The following CFDP1 variants were observed in gnomAD, a reference collection of about 807,000 sequenced individuals.
CFDP1 encodes chromatin remodeling protein CFDP1, also known as heterochromatin-stabilizing protein CFDP1.
A neutral mutation model predicts 40.1 loss-of-function variants in CFDP1; 31 were observed. The observed-to-expected ratio is 0.77, with a 90% CI of 0.58 to 1.04. The LOEUF is 1.04. Among genes scored for constraint, CFDP1 ranks in the 50% least tolerant of loss-of-function variants. CFDP1 has a pLI of 0.00. For missense variants in CFDP1, 423 were observed against 343.4 expected (o/e 1.23, Z -1.83); for synonymous variants, 167 against 120.0 (o/e 1.39, Z -2.56).
chr16:75,330,981 A>AC (rs1298080775), intron 5 of CFDP1, among the ~76,000 whole-genome samples: 11 of 147,198 alleles, frequency 7.5e-5, no homozygotes, highest in Admixed American at 6.7e-5. Flanking sequence ...AAAAAAAAAA[A>AC]AAAACACAAA....
intron 5 of CFDP1, among the ~76,000 whole-genome samples, chr16:75,356,911 CTTTTTTTT>C (rs576406459): frequency 1.2e-5 from 1 of 80,662 alleles, no homozygotes; most frequent in Non-Finnish European, 2.7e-5. Flanking sequence ...TGCTTTCTTT[CTTTTTTTT>C]TTTTTTTTTT....
intron 5 of CFDP1, chr16:75,305,535 A>G (rs2078251216): frequency 4.3e-6 from 1 of 230,928 alleles, no homozygotes; most frequent in Non-Finnish European, 8.6e-6. Context: ...CTTCCAGCTT[A>G]ACTGTGTGAC....
intron 6 of CFDP1, among the ~76,000 whole-genome samples, chr16:75,304,319 C>T (rs779553152): frequency 5.3e-5 from 8 of 152,186 alleles, no homozygotes; most frequent in Admixed American, 3.9e-4. Context: ...CTGCCCGCCT[C>T]GGCCTCCGAA....
intron 1 of CFDP1, among the ~76,000 whole-genome samples, chr16:75,427,641 A>C (rs1329453010): frequency 6.6e-6 from 1 of 152,184 alleles, no homozygotes; most frequent in East Asian, 1.9e-4. Flanking sequence ...TTGAACTCTC[A>C]AACTTGTTAC....
intron 5 of CFDP1, among the ~76,000 whole-genome samples, chr16:75,364,436 G>T (rs963549291): frequency 7.2e-5 from 11 of 151,930 alleles, no homozygotes; most frequent in African/African-American, 2.4e-4. Flanking sequence ...ATTTTTTTCA[G>T]GGAGCTGAAA....
chr16:75,420,761 A>G (rs182468177), intron 1 of CFDP1, among the ~76,000 whole-genome samples: 1 of 152,346 alleles, frequency 6.6e-6, no homozygotes, highest in East Asian at 1.9e-4. Flanking sequence ...AAAAATACAA[A>G]TATCTATACC....
intron 5 of CFDP1, among the ~76,000 whole-genome samples, chr16:75,374,309 T>C (rs1279194779): frequency 6.6e-6 from 1 of 152,150 alleles, no homozygotes; most frequent in Non-Finnish European, 1.5e-5. Flanking sequence ...AAGAATCAGA[T>C]AAATGTATAG....
intron 6 of CFDP1, among the ~76,000 whole-genome samples, chr16:75,299,424 T>TTAAA (rs750927084): frequency 3.5e-5 from 5 of 143,342 alleles, no homozygotes; most frequent in Non-Finnish European, 6.1e-5. Flanking sequence ...CATCTCTACT[T>TTAAA]AAAAAAAAAA....
intron 5 of CFDP1, among the ~76,000 whole-genome samples, chr16:75,373,655 T>A (rs72787126): frequency 0.066 from 10,093 of 152,222 alleles, 368 homozygotes; most frequent in Middle Eastern, 0.13. Context: ...ATTCTTTTTA[T>A]TTTTATTTAT....
At chr16:75,373,797 A>T (rs957230340) in intron 5 of CFDP1, among the ~76,000 whole-genome samples, 1 of 152,174 alleles carries the variant, frequency 6.6e-6, no homozygotes, top group African/African-American at 2.4e-5. Flanking sequence ...TCCTCTACAC[A>T]ATTTACTAAT....
At chr16:75,330,655 G>C (rs1385459193) in intron 5 of CFDP1, among the ~76,000 whole-genome samples, 1 of 152,150 alleles carries the variant, frequency 6.6e-6, no homozygotes, top group Non-Finnish European at 1.5e-5. Context: ...AGGATGGAGA[G>C]GTCTTTCTTC....
chr16:75,393,016 G>A (rs2078965290), intron 5 of CFDP1, among the ~76,000 whole-genome samples: 1 of 152,208 alleles, frequency 6.6e-6, no homozygotes, highest in Admixed American at 6.5e-5. Context: ...CCATCCACAT[G>A]TCCTGGCATT....
intron 5 of CFDP1, among the ~76,000 whole-genome samples, chr16:75,329,788 T>C (rs769478355): frequency 6.6e-6 from 1 of 152,216 alleles, no homozygotes; most frequent in African/African-American, 2.4e-5. Flanking sequence ...TATCAATTTG[T>C]TTTAATGAAT....
intron 5 of CFDP1, among the ~76,000 whole-genome samples, chr16:75,314,807 A>C (rs2078314183): frequency 6.6e-6 from 1 of 152,196 alleles, no homozygotes; most frequent in African/African-American, 2.4e-5. Context: ...GCTGGAGTGC[A>C]GTGGCGCGAT....
chr16:75,411,094 T>G (rs2079158678), intron 4 of CFDP1, among the ~76,000 whole-genome samples: 1 of 151,850 alleles, frequency 6.6e-6, no homozygotes, highest in Admixed American at 6.6e-5. Context: ...TGCACAGGCT[T>G]GCAATCCCAT....
chr16:75,397,107 GGT>G (rs1275565662), intron 4 of CFDP1, among the ~76,000 whole-genome samples: 1 of 151,742 alleles, frequency 6.6e-6, no homozygotes, highest in Non-Finnish European at 1.5e-5. Flanking sequence ...GTAGAGATGG[GGT>G]TTCACCGTGT....
At chr16:75,376,973 A>T (rs923029324) in intron 5 of CFDP1, among the ~76,000 whole-genome samples, 9 of 152,256 alleles carry the variant, frequency 5.9e-5, no homozygotes, top group African/African-American at 2.2e-4. Flanking sequence ...TGCTACTCTC[A>T]GCACAATGCC....
intron 4 of CFDP1, among the ~76,000 whole-genome samples, chr16:75,410,389 G>A (rs1165990292): frequency 6.6e-6 from 1 of 152,118 alleles, no homozygotes; most frequent in African/African-American, 2.4e-5. Context: ...CTAACAGCCA[G>A]GAGACTAACT....
intron 5 of CFDP1, among the ~76,000 whole-genome samples, chr16:75,326,961 G>C (rs2078405766): frequency 6.6e-6 from 1 of 152,168 alleles, no homozygotes; most frequent in African/African-American, 2.4e-5. Context: ...GAAGTTATTA[G>C]AGGATGAGTT....
Sources: allele counts gnomAD v4.1 joint callset (sites outside exome capture counted in the v4.1 genomes callset), GRCh38; gene constraint gnomAD v4.1.1; transcripts MANE v1.5; gene names NCBI Gene and HGNC (gene_info 2026-07-23, HGNC 2026-07-21).